FLYWCH2: variants seen among roughly 807,000 people sequenced by gnomAD.
FLYWCH2 encodes the protein FLYWCH family member 2.
FLYWCH2 carries 2 observed loss-of-function variants against 6.0 expected under a neutral mutation model. That is an observed-to-expected ratio of 0.33 (90% CI 0.14 to 1.04). The LOEUF (loss-of-function observed/expected upper bound fraction) is 1.04. Among genes scored for constraint, FLYWCH2 ranks in the 50% least tolerant of loss-of-function variants. The pLI, the probability that FLYWCH2 is intolerant of heterozygous loss-of-function variation, is 0.45. For synonymous variants in FLYWCH2, 87 were observed against 79.3 expected, an observed-to-expected ratio of 1.10 and a Z score of -0.52; for missense variants, 192 against 183.4, an observed-to-expected ratio of 1.05 and a Z score of -0.27.
chr16:2,891,756 C>T (rs2150847060), intron 1 of FLYWCH2, among the ~76,000 whole-genome samples: 2 of 151,986 alleles, frequency 1.3e-5, no homozygotes, highest in African/African-American at 4.8e-5. Context: ...TGAGGTCTCG[C>T]TATGTTGCCC....
intron 3 of FLYWCH2, 187 bp downstream of exon 3, chr16:2,896,958 G>A (rs1448474396): frequency 3.2e-6 from 2 of 626,358 alleles, no homozygotes; most frequent in African/African-American, 3.7e-5. Context: ...CTCCAACCCT[G>A]CCTCTGAGCG....
At chr16:2,890,062 T>C (rs1352967742) in intron 1 of FLYWCH2, among the ~76,000 whole-genome samples, 1 of 150,586 alleles carries the variant, frequency 6.6e-6, no homozygotes. Flanking sequence ...CTCCAAGCAA[T>C]ATACCAAGAC....
At position 2,894,576 on chromosome 16, in the gene FLYWCH2, G is replaced by C. The variant is rs139698352; in HGVS notation, c.-199-644G>C. 2.6e-5 allele frequency among the ~76,000 whole-genome samples: 4 copies of C among 152,358 alleles called. No homozygotes were observed. In the East Asian group the frequency reaches 7.7e-4, roughly 29 times the overall value. ...GTGAGGCAGATGAGCAGAGCCGGAA[G>C]GGCCGCACGGGAGGAACAGGGGTTG... On this transcript the variant is annotated intron_variant, in intron 1 of 3. Transcript: ENST00000396958.
At chr16:2,893,019 T>TACACAC (rs144253671) in intron 1 of FLYWCH2, among the ~76,000 whole-genome samples, 31 of 146,040 alleles carry the variant, frequency 2.1e-4, no homozygotes, top group Non-Finnish European at 3.1e-4. Flanking sequence ...TTTATATATA[T>TACACAC]ACACACACAC....
intron 1 of FLYWCH2, among the ~76,000 whole-genome samples, chr16:2,889,882 C>A (rs986863322): frequency 1.3e-5 from 2 of 152,114 alleles, no homozygotes; most frequent in East Asian, 3.9e-4. Flanking sequence ...GTCTGGAGTT[C>A]GAGACCAGTC....
chr16:2,884,025 G>C (rs946117241), intron 1 of FLYWCH2, among the ~76,000 whole-genome samples: 1 of 152,148 alleles, frequency 6.6e-6, no homozygotes, highest in Non-Finnish European at 1.5e-5. Context: ...CTCCCTGTGA[G>C]GACGTGTACT....
At chr16:2,891,817 C>T (rs1172993474) in intron 1 of FLYWCH2, among the ~76,000 whole-genome samples, 1 of 152,128 alleles carries the variant, frequency 6.6e-6, no homozygotes, top group Non-Finnish European at 1.5e-5. Context: ...CTTGCTCATG[C>T]TTCTGACCAG....
chr16:2,887,418 C>T lies in FLYWCH2; in HGVS notation c.-200+4052C>T, dbSNP rs529700329. ...TGAAGAGATCTGCCCACCTCAGCCT[C>T]CCAAAGTGCTAGGTTTATAGGCATG... On this transcript the variant is annotated intron_variant, in intron 1 of 3. Coordinates refer to ENST00000396958, the MANE Select transcript of FLYWCH2 (RefSeq NM_138439.3). 3.3e-5 allele frequency among the ~76,000 whole-genome samples: 5 copies of T among 151,004 alleles called. 1 individual carries two copies. The highest frequency in any genetic ancestry group is 1.2e-4 in the African/African-American group (5 of 41,088).
chr16:2,896,330 G>A (rs2069818881), intron 2 of FLYWCH2, 22 bp from the exon 3 acceptor site: 3 of 1,308,070 alleles, frequency 2.3e-6, no homozygotes, highest in South Asian at 1.6e-5. Flanking sequence ...CACCACTGAC[G>A]GGATTTTGCT....
intron 1 of FLYWCH2, among the ~76,000 whole-genome samples, chr16:2,894,668 C>T (rs926369304): frequency 2.0e-5 from 3 of 152,236 alleles, no homozygotes; most frequent in East Asian, 1.9e-4. Flanking sequence ...ATGTGACTCG[C>T]CGCCTGGCGC....
At chr16:2,888,047 T>TTTTTAA (rs1320407234) in intron 1 of FLYWCH2, among the ~76,000 whole-genome samples, 14 of 152,018 alleles carry the variant, frequency 9.2e-5, no homozygotes, top group Non-Finnish European at 1.9e-4. Context: ...CTCGCTCTGT[T>TTTTTAA]GCCCAGGCTG....
intron 2 of FLYWCH2, 97 bp downstream of exon 2, chr16:2,895,417 G>A (rs2069807676): frequency 6.6e-6 from 1 of 152,236 alleles, no homozygotes; most frequent in African/African-American, 2.4e-5. Context: ...ACGAGGTCAG[G>A]AGATCGAGAC....
intron 1 of FLYWCH2, 116 bp downstream of exon 1, chr16:2,883,482 C>CTGG (rs1475420566): frequency 2.0e-5 from 3 of 152,704 alleles, no homozygotes; most frequent in Non-Finnish European, 4.4e-5. Context: ...GGTCCGCGTC[C>CTGG]TGGTGCTCAG....
At chr16:2,884,575 A>AAAAAAAAC (rs1200672553) in intron 1 of FLYWCH2, among the ~76,000 whole-genome samples, 1 of 143,790 alleles carries the variant, frequency 7.0e-6, no homozygotes. Context: ...AAAAAAAAAA[A>AAAAAAAAC]AATACAAAAA....
In FLYWCH2 at chr16:2,896,461, C is replaced by G. The variant is rs139107292; in HGVS notation, c.12C>G (p.Pro4=). 3.1e-6 allele frequency: 5 copies of G among 1,611,832 alleles called. No individual in the cohort carries two copies. Among genetic ancestry groups the G allele is most frequent in the Admixed American group, 3.3e-5 (2 of 59,872 alleles). Residue 4 remains proline (P), a synonymous_variant, in exon 3 of 4, where the codon CCC becomes CCG. Transcript: ENST00000396958. MPL[P]EPSEQEGESV... ...CCCTGGGTCCCGGGATGCCCCTGCC[C>G]GAGCCCAGCGAGCAGGAGGGTGAGA... is the stretch of plus-strand genomic sequence containing the variant.
At chr16:2,885,216 G>A (rs1410843227) in intron 1 of FLYWCH2, among the ~76,000 whole-genome samples, 4 of 152,062 alleles carry the variant, frequency 2.6e-5, no homozygotes, top group Non-Finnish European at 5.9e-5. Flanking sequence ...CAGCTACTCC[G>A]GAGGCTGAGG....
At chr16:2,896,913 C>G (rs113866382) in intron 3 of FLYWCH2, 142 bp downstream of exon 3, 275 of 823,292 alleles carry the variant, frequency 3.3e-4, no homozygotes, top group Non-Finnish European at 4.8e-4. Context: ...AGCAGTGGCA[C>G]AGGGGTTAGG....
chr16:2,889,247 G>A (rs533286872), intron 1 of FLYWCH2, among the ~76,000 whole-genome samples: 1 of 127,560 alleles, frequency 7.8e-6, no homozygotes, highest in African/African-American at 3.1e-5. Flanking sequence ...GTCTCGCTCT[G>A]TCACACAGCT....
chr16:2,892,025 C>G (rs961536856), intron 1 of FLYWCH2, among the ~76,000 whole-genome samples: 4 of 150,540 alleles, frequency 2.7e-5, no homozygotes, highest in Non-Finnish European at 5.9e-5. Flanking sequence ...AACCCTGTCT[C>G]AACTGAAAAT....
Sources: gnomAD v4.1 joint callset for allele counts (sites outside exome capture counted in the v4.1 genomes callset) on GRCh38, gnomAD v4.1.1 for gene constraint, MANE v1.5 for transcripts, NCBI Gene and HGNC (gene_info 2026-07-23, HGNC 2026-07-21) for gene names.